PARD3B: variants seen among roughly 807,000 people sequenced by gnomAD.
PARD3B encodes partitioning defective 3 homolog B.
PARD3B carries 103 observed loss-of-function variants against 130.2 expected under a neutral mutation model. The observed-to-expected ratio is 0.79, with a 90% CI of 0.67 to 0.93. The LOEUF (loss-of-function observed/expected upper bound fraction) is 0.93, where lower values mean the gene tolerates loss of function less well. Among genes scored for constraint, PARD3B ranks in the 40% least tolerant of loss-of-function variants. The pLI is 0.00. For missense variants in PARD3B, 1,609 were observed against 1,499.2 expected, an observed-to-expected ratio of 1.07 and a Z score of -1.21; for synonymous variants, 583 against 553.2, an observed-to-expected ratio of 1.05 and a Z score of -0.76.
intron 3 of PARD3B, among the ~76,000 whole-genome samples, chr2:205,012,468 A>C (rs1318259142): frequency 1.3e-5 from 2 of 152,178 alleles, no homozygotes; most frequent in Admixed American, 1.3e-4. Flanking sequence ...TTGAGATGAG[A>C]ATAGAATGGA....
intron 2 of PARD3B, among the ~76,000 whole-genome samples, chr2:204,824,350 G>T (rs563540341): frequency 1.3e-5 from 2 of 152,236 alleles, no homozygotes; most frequent in South Asian, 4.1e-4. Context: ...TTCTACCAAA[G>T]ATCACAGCTC....
At position 205,553,412 on chromosome 2, in the gene PARD3B, C is replaced by T. The variant is rs200049118; in HGVS notation, c.3260+9C>T. ...TACGCATCCTTACCCAGGTAGATCA[C>T]GGAGAGGTCTCCCATCTCCAGCTCA... On this transcript the variant is annotated intron_variant, in intron 22 of 22. Transcript: ENST00000406610. 15 of 1,612,176 alleles carry T rather than the reference C, an allele frequency of 9.3e-6. No homozygotes were observed. Among genetic ancestry groups the T allele is most frequent in the African/African-American group, 5.3e-5 (4 of 74,988 alleles).
chr2:205,007,344 C>A (rs1052714233), intron 3 of PARD3B, among the ~76,000 whole-genome samples: 16 of 152,162 alleles, frequency 1.1e-4, no homozygotes, highest in African/African-American at 3.1e-4. Context: ...GACTAATACG[C>A]CATCTTGAGT....
At chr2:204,954,904 T>A (rs1690105619) in intron 2 of PARD3B, among the ~76,000 whole-genome samples, 1 of 152,236 alleles carries the variant, frequency 6.6e-6, no homozygotes, top group Non-Finnish European at 1.5e-5. Flanking sequence ...GTGGTGGCTT[T>A]GTCACCATTC....
chr2:204,597,129 C>G (rs1250125425), intron 1 of PARD3B, among the ~76,000 whole-genome samples: 1 of 152,102 alleles, frequency 6.6e-6, no homozygotes, highest in South Asian at 2.1e-4. Context: ...TTGTCTAACT[C>G]ATTGGCTTGA....
chr2:205,601,004 C>A (rs1259989410), intron 22 of PARD3B, among the ~76,000 whole-genome samples: 1 of 152,158 alleles, frequency 6.6e-6, no homozygotes, highest in Admixed American at 6.5e-5. Context: ...ATTTATATTC[C>A]TTTGGGTATA....
intron 1 of PARD3B, among the ~76,000 whole-genome samples, chr2:204,641,647 A>G (rs1239170053): frequency 1.3e-5 from 2 of 152,186 alleles, no homozygotes; most frequent in African/African-American, 4.8e-5. Context: ...TGGACACACC[A>G]TGGTTGTAAT....
At chr2:204,576,471 T>C (rs1233803106) in intron 1 of PARD3B, among the ~76,000 whole-genome samples, 2 of 152,214 alleles carry the variant, frequency 1.3e-5, no homozygotes, top group African/African-American at 4.8e-5. Flanking sequence ...CAGTTAAAAA[T>C]GATAACTCTT....
At chr2:205,156,242 T>TTA (rs1298316186) in intron 10 of PARD3B, among the ~76,000 whole-genome samples, 1 of 97,320 alleles carries the variant, frequency 1.0e-5, no homozygotes, top group Non-Finnish European at 1.9e-5. Flanking sequence ...AAGGGGAACA[T>TTA]CACACTCTGG....
intron 13 of PARD3B, among the ~76,000 whole-genome samples, chr2:205,180,914 G>A (rs186555838): frequency 5.8e-4 from 89 of 152,266 alleles, no homozygotes; most frequent in Non-Finnish European, 9.4e-4. Context: ...CATTTGAATG[G>A]TAATGAAATG....
intron 18 of PARD3B, among the ~76,000 whole-genome samples, chr2:205,304,503 T>C (rs1453256420): frequency 2.0e-5 from 3 of 151,630 alleles, no homozygotes; most frequent in Non-Finnish European, 4.4e-5. Context: ...GGCGTGGTGG[T>C]GCATGCCTAT....
At chr2:205,548,015 A>G (rs1213212721) in intron 21 of PARD3B, among the ~76,000 whole-genome samples, 1 of 151,910 alleles carries the variant, frequency 6.6e-6, no homozygotes, top group Non-Finnish European at 1.5e-5. Context: ...ACTGTGGAAC[A>G]CTCCCTTCAT....
chr2:204,878,253 T>A (rs2045918536), intron 2 of PARD3B, among the ~76,000 whole-genome samples: 1 of 152,162 alleles, frequency 6.6e-6, no homozygotes, highest in Non-Finnish European at 1.5e-5. Context: ...TTGCCTTTTT[T>A]AATGAAAAGT....
At chr2:205,117,097 C>T (rs772011395) in intron 6 of PARD3B, among the ~76,000 whole-genome samples, 23 of 152,278 alleles carry the variant, frequency 1.5e-4, no homozygotes, top group South Asian at 4.2e-4. Context: ...ATGTGAGCCT[C>T]CTAATGAATC....
At chr2:204,705,362 A>G (rs150834352) in intron 2 of PARD3B, among the ~76,000 whole-genome samples, 1 of 152,294 alleles carries the variant, frequency 6.6e-6, no homozygotes, top group East Asian at 1.9e-4. Flanking sequence ...ATAAAGACAC[A>G]CATAGTGGAG....
chr2:205,482,028 C>G (rs887867185), intron 20 of PARD3B, among the ~76,000 whole-genome samples: 1 of 152,140 alleles, frequency 6.6e-6, no homozygotes, highest in Non-Finnish European at 1.5e-5. Flanking sequence ...GAGGTGTGTC[C>G]TCATGCAGGC....
intron 19 of PARD3B, among the ~76,000 whole-genome samples, chr2:205,427,909 T>C (rs1004165675): frequency 1.5e-4 from 23 of 152,222 alleles, no homozygotes; most frequent in African/African-American, 5.3e-4. Context: ...GAAGACATCT[T>C]AAACTTTAGT....
At position 205,021,621 on chromosome 2, in the gene PARD3B, C is replaced by CCT. The variant is rs1491445035; in HGVS notation, c.395-25953_395-25952dup. ...CTCTCTCTCTCTCTCTCTCTCTCTC[C>CCT]CTCTCTCTTTCTCTCTCTCTCTCTC... is the stretch of plus-strand genomic sequence containing the variant. On this transcript the variant is annotated intron_variant, in intron 3 of 22. Coordinates refer to ENST00000406610, the MANE Select transcript of PARD3B (RefSeq NM_001302769.2). This position sits in a 1 kb window ranked among gnomAD's most constrained non-coding sequence, Gnocchi z 4.5. Among the ~76,000 whole-genome samples, 1 of 127,964 alleles carries CCT rather than the reference C, an allele frequency of 7.8e-6. No homozygotes were observed. 83.9% of individuals were successfully genotyped at this position (127,964 alleles called of 152,430 possible). A position where few individuals can be genotyped will look rare whatever the true frequency, so the allele number is the denominator to read the frequency against.
chr2:205,182,926 T>C (rs1344292033), intron 13 of PARD3B, among the ~76,000 whole-genome samples: 2 of 152,088 alleles, frequency 1.3e-5, no homozygotes, highest in Non-Finnish European at 2.9e-5. Context: ...ACATTTATCA[T>C]AGCAGCCCAC....
Sources: gnomAD v4.1 joint callset for allele counts (sites outside exome capture counted in the v4.1 genomes callset) on GRCh38, gnomAD v4.1.1 for gene constraint, Gnocchi (gnomAD v3.1) non-coding constraint, MANE v1.5 for transcripts, NCBI Gene and HGNC (gene_info 2026-07-23, HGNC 2026-07-21) for gene names.